Variants in PREX1 observed in about 807,000 individuals in gnomAD.
The protein encoded by PREX1 is phosphatidylinositol-3,4,5-trisphosphate dependent Rac exchange factor 1.
In PREX1, 41 loss-of-function variants were observed where a neutral mutation model predicts 198.3. The observed-to-expected ratio is 0.21, with a 90% confidence interval of 0.16 to 0.27. The LOEUF (loss-of-function observed/expected upper bound fraction) is 0.27. Among genes scored for constraint, PREX1 ranks in the 10% least tolerant of loss-of-function variants. PREX1 has a pLI of 1.00. For synonymous variants in PREX1, 843 were observed against 887.2 expected (o/e 0.95, Z 0.89); for missense variants, 1,620 against 2,200.7 (o/e 0.74, Z 5.28).
At chr20:48,730,741 T>G (rs1419240751) in intron 4 of PREX1, among the ~76,000 whole-genome samples, 1 of 152,008 alleles carries the variant, frequency 6.6e-6, no homozygotes, top group Non-Finnish European at 1.5e-5. Context: ...ACACCTGTAC[T>G]CCCAGCACTT....
At chr20:48,845,847 CA>C in the PREX1 span, among the ~76,000 whole-genome samples, 1 of 152,240 alleles carries the variant, frequency 6.6e-6, no homozygotes, top group African/African-American at 2.4e-5. Flanking sequence ...AGCAGGGCCT[CA>C]AAAGTGATGT....
intron 27 of PREX1, 96 bp from the exon 28 acceptor site, chr20:48,642,585 C>T: frequency 8.9e-7 from 1 of 1,121,186 alleles, no homozygotes; most frequent in Non-Finnish European, 1.3e-6. Context: ...CTACAGAACT[C>T]CAAACCCACA....
rs566493440 is a variant in PREX1 at position 48,810,074 on chromosome 20, G to A, written c.219+17568C>T. Among the ~76,000 whole-genome samples the A allele has an allele frequency of 3.9e-5, 6 of 152,266 alleles. No homozygotes were observed. The East Asian group carries it at 5.8e-4, about 15-fold the overall frequency. On this transcript the variant is annotated intron_variant, in intron 1 of 39. Transcript: ENST00000371941. ...GCAGGTAACAGGGAATGCTGTGCGC[G>A]GCTCCTTAGTAAAAGCAATGACTAT...
chr20:48,668,716 C>T (rs1343424423), intron 14 of PREX1, among the ~76,000 whole-genome samples: 3 of 152,220 alleles, frequency 2.0e-5, no homozygotes, highest in African/African-American at 7.2e-5. Context: ...CACATTTCTC[C>T]CACAGGACCC....
At chr20:48,746,465 C>G (rs1413668563) in intron 2 of PREX1, among the ~76,000 whole-genome samples, 1 of 152,194 alleles carries the variant, frequency 6.6e-6, no homozygotes, top group Non-Finnish European at 1.5e-5. Flanking sequence ...AAAGAGTGAA[C>G]CACAGCTACA....
intron 4 of PREX1, among the ~76,000 whole-genome samples, chr20:48,728,292 C>A (rs1210318283): frequency 1.3e-5 from 2 of 152,224 alleles, no homozygotes; most frequent in African/African-American, 4.8e-5. Flanking sequence ...ATGCCACACG[C>A]TGTGCCTTGT....
chr20:48,735,461 G>A (rs1179327610), intron 3 of PREX1, among the ~76,000 whole-genome samples: 1 of 152,142 alleles, frequency 6.6e-6, no homozygotes, highest in Admixed American at 6.6e-5. Flanking sequence ...AGGGAGGATG[G>A]GTTTAGAATT....
At chr20:48,709,627 C>T (rs532014272) in intron 5 of PREX1, among the ~76,000 whole-genome samples, 11 of 152,280 alleles carry the variant, frequency 7.2e-5, no homozygotes, top group African/African-American at 2.6e-4. Flanking sequence ...AAGCCTAAGG[C>T]CTCGAAGAAG....
At chr20:48,715,116 C>T (rs997337805) in intron 5 of PREX1, among the ~76,000 whole-genome samples, 3 of 152,190 alleles carry the variant, frequency 2.0e-5, no homozygotes, top group African/African-American at 7.2e-5. Flanking sequence ...CAAAGTGGAA[C>T]AGATACATGA....
intron 1 of PREX1, among the ~76,000 whole-genome samples, chr20:48,795,783 G>A (rs1270335796): frequency 1.3e-5 from 2 of 152,180 alleles, no homozygotes. Flanking sequence ...AGCCAGCTCA[G>A]AATGCTAGGT....
At chr20:48,674,269 T>A (rs1224464491) in intron 14 of PREX1, among the ~76,000 whole-genome samples, 1 of 152,262 alleles carries the variant, frequency 6.6e-6, no homozygotes. Context: ...TTCAAGGATG[T>A]TTCTCAACTT....
intron 4 of PREX1, among the ~76,000 whole-genome samples, chr20:48,728,254 A>G (rs2090018267): frequency 6.6e-6 from 1 of 152,260 alleles, no homozygotes. Context: ...AAATAAGACC[A>G]TAAGAACACA....
At chr20:48,762,705 T>TC (rs994006674) in intron 1 of PREX1, among the ~76,000 whole-genome samples, 1 of 150,416 alleles carries the variant, frequency 6.6e-6, no homozygotes, top group Non-Finnish European at 1.5e-5. Context: ...AAGTTTCTTT[T>TC]TTTTTTTTTT....
At chr20:48,644,518 G>C in intron 26 of PREX1, 21 bp from the exon 27 acceptor site, 1 of 1,607,756 alleles carries the variant, frequency 6.2e-7, no homozygotes. Context: ...GCCCAGAGAA[G>C]GGGCTGAGTC....
At chr20:48,762,701 CTTTTTTTTT>C (rs397816054) in intron 1 of PREX1, among the ~76,000 whole-genome samples, 4 of 128,102 alleles carry the variant, frequency 3.1e-5, no homozygotes, top group Non-Finnish European at 6.6e-5. Context: ...TATGAAGTTT[CTTTTTTTTT>C]TTTTTTTTTT....
At chr20:48,786,660 G>A (rs1229436224) in intron 1 of PREX1, among the ~76,000 whole-genome samples, 1 of 151,770 alleles carries the variant, frequency 6.6e-6, no homozygotes, top group South Asian at 2.1e-4. Flanking sequence ...GGGAAAAATC[G>A]CTTGAACCCG....
At chr20:48,803,900 T>C (rs755076139) in intron 1 of PREX1, among the ~76,000 whole-genome samples, 9 of 152,206 alleles carry the variant, frequency 5.9e-5, no homozygotes, top group Non-Finnish European at 1.0e-4. Flanking sequence ...CCAGAAAGTC[T>C]TTTTTTGTTT....
intron 1 of PREX1, among the ~76,000 whole-genome samples, chr20:48,767,117 C>T (rs893710610): frequency 1.3e-5 from 2 of 152,202 alleles, no homozygotes; most frequent in East Asian, 1.9e-4. Context: ...TTCCCTCGTC[C>T]GCGAAACGGG....
chr20:48,752,569 C>T (rs971730808), intron 1 of PREX1, among the ~76,000 whole-genome samples: 1 of 152,204 alleles, frequency 6.6e-6, no homozygotes, highest in South Asian at 2.1e-4. Context: ...TGATGGCCAG[C>T]AGGACCTGGC....
Sources: allele counts gnomAD v4.1 joint callset (sites outside exome capture counted in the v4.1 genomes callset), GRCh38; gene constraint gnomAD v4.1.1; transcripts MANE v1.5; gene names NCBI Gene and HGNC (gene_info 2026-07-23, HGNC 2026-07-21).